TPRG1: variants seen among roughly 807,000 people sequenced by gnomAD.
The protein encoded by TPRG1 is tumor protein p63 regulated 1, also known as tumor protein p63-regulated gene 1 protein.
Under a neutral mutation model 29.3 loss-of-function variants are expected in TPRG1, and 29 were observed. That is an observed-to-expected ratio of 0.99 (90% CI 0.74 to 1.35). The LOEUF (loss-of-function observed/expected upper bound fraction) is 1.35, where lower values mean the gene tolerates loss of function less well. Ranked by LOEUF, TPRG1 falls within the 40% of genes most tolerant of loss-of-function variation. The probability of loss-of-function intolerance (pLI) is 0.00; values close to 1 mark genes in which losing one functional copy is unlikely to be tolerated. For missense variants in TPRG1, 327 were observed against 335.0 expected, an observed-to-expected ratio of 0.98 and a Z score of 0.19; for synonymous variants, 130 against 116.8, an observed-to-expected ratio of 1.11 and a Z score of -0.73.
chr3:189,115,525 G>A (rs1446807574), intron 1 of TPRG1, among the ~76,000 whole-genome samples: 1 of 152,200 alleles, frequency 6.6e-6, no homozygotes, highest in Non-Finnish European at 1.5e-5. Context: ...GCATAGATTT[G>A]TCTTGTGGAG....
At chr3:189,313,136 T>G (rs1722973345) in intron 5 of TPRG1, 2 of 152,076 alleles carry the variant, frequency 1.3e-5, no homozygotes, top group Admixed American at 1.3e-4. Flanking sequence ...GTCCCAGCTC[T>G]CTAGGAAAAC....
chr3:189,021,633 A>C (rs1436117365), intron 3 of TPRG1, among the ~76,000 whole-genome samples: 1 of 152,148 alleles, frequency 6.6e-6, no homozygotes, highest in African/African-American at 2.4e-5. Context: ...CTTTGAGGGT[A>C]ACCTGACCTT....
intron 4 of TPRG1, among the ~76,000 whole-genome samples, chr3:189,043,643 C>G (rs1337678341): frequency 6.6e-6 from 1 of 152,158 alleles, no homozygotes; most frequent in African/African-American, 2.4e-5. Context: ...CAGAGACTGG[C>G]TTGTATATAT....
intron 4 of TPRG1, among the ~76,000 whole-genome samples, chr3:189,273,709 GT>G (rs1198284844): frequency 6.6e-6 from 1 of 152,052 alleles, no homozygotes; most frequent in Non-Finnish European, 1.5e-5. Flanking sequence ...CTCATCCCTG[GT>G]TGGCCTGGAG....
intron 3 of TPRG1, among the ~76,000 whole-genome samples, chr3:189,145,191 G>A (rs145118631): frequency 0.014 from 2,095 of 151,782 alleles, 44 homozygotes; most frequent in African/African-American, 0.047. Context: ...GTGAAACCGC[G>A]TCTCTACTAA....
Position 189,180,838 on chromosome 3 carries a change from C to T in TPRG1, c.-10+8707C>T, listed in dbSNP as rs1181576438. 2.6e-5 allele frequency among the ~76,000 whole-genome samples: 4 copies of T among 152,202 alleles called. No individual in the cohort carries two copies. In the East Asian group the frequency reaches 5.8e-4, roughly 22 times the overall value. On this transcript the variant is annotated intron_variant, in intron 1 of 5. Transcript: ENST00000345063. ...ATTCTGTGTGGGGACTCTGGCCCCA[C>T]ATTTCCCTTCCACACTGCCTTAGAG...
intron 4 of TPRG1, among the ~76,000 whole-genome samples, chr3:189,043,818 A>G (rs1323835620): frequency 6.6e-6 from 1 of 152,166 alleles, no homozygotes; most frequent in Non-Finnish European, 1.5e-5. Context: ...ATTGGAGCCA[A>G]AAGTTTCCAC....
chr3:189,037,010 A>G (rs1484120072), intron 4 of TPRG1, among the ~76,000 whole-genome samples: 3 of 146,020 alleles, frequency 2.1e-5, no homozygotes, highest in African/African-American at 7.6e-5. Flanking sequence ...CCGAGGCCCA[A>G]ATGATTTATA....
chr3:189,093,021 C>T (rs1472963254), intron 4 of TPRG1, among the ~76,000 whole-genome samples: 2 of 151,484 alleles, frequency 1.3e-5, no homozygotes, highest in African/African-American at 4.9e-5. Context: ...TGTGATTAAA[C>T]AGAAAATGCT....
chr3:189,224,281 GACC>G (rs1737363759), intron 3 of TPRG1, among the ~76,000 whole-genome samples: 1 of 152,180 alleles, frequency 6.6e-6, no homozygotes, highest in South Asian at 2.1e-4. Context: ...AAGAGATCGA[GACC>G]ATCCTGGCCA....
At chr3:189,308,512 G>T (rs1354141006) in intron 4 of TPRG1, among the ~76,000 whole-genome samples, 1 of 152,210 alleles carries the variant, frequency 6.6e-6, no homozygotes, top group Non-Finnish European at 1.5e-5. Flanking sequence ...CTTAGCTTCA[G>T]ATTAATCTTC....
chr3:189,309,653 C>A (rs749131484), intron 4 of TPRG1, among the ~76,000 whole-genome samples: 1 of 152,132 alleles, frequency 6.6e-6, no homozygotes. Context: ...ACCATGAGTT[C>A]TCTCCCTGTT....
intron 4 of TPRG1, among the ~76,000 whole-genome samples, chr3:189,064,580 T>G (rs1364627273): frequency 1.3e-5 from 2 of 152,062 alleles, no homozygotes; most frequent in Non-Finnish European, 2.9e-5. Context: ...ACAAAGTTAA[T>G]GAAAGCAAAA....
intron 3 of TPRG1, among the ~76,000 whole-genome samples, chr3:189,137,435 CAAA>C (rs1257419909): frequency 1.3e-5 from 2 of 150,238 alleles, no homozygotes; most frequent in Non-Finnish European, 3.0e-5. Context: ...ACAAAAACAA[CAAA>C]AAAAGAATTT....
intron 4 of TPRG1, among the ~76,000 whole-genome samples, chr3:189,031,523 C>T (rs932758711): frequency 6.6e-6 from 1 of 152,182 alleles, no homozygotes; most frequent in Non-Finnish European, 1.5e-5. Context: ...TCTTCAGTGT[C>T]TTCCTCTTTG....
chr3:189,244,867 T>TG (rs1378369666), intron 4 of TPRG1, among the ~76,000 whole-genome samples: 1 of 152,178 alleles, frequency 6.6e-6, no homozygotes, highest in Non-Finnish European at 1.5e-5. Context: ...GCTTTTCACT[T>TG]GGTTAACTTT....
At chr3:189,249,552 A>G (rs1381654027) in intron 4 of TPRG1, among the ~76,000 whole-genome samples, 1 of 151,906 alleles carries the variant, frequency 6.6e-6, no homozygotes, top group Non-Finnish European at 1.5e-5. Context: ...CTATTTACAT[A>G]TATTAGTATG....
At chr3:189,267,323 A>G (rs1714277704) in intron 4 of TPRG1, among the ~76,000 whole-genome samples, 2 of 152,146 alleles carry the variant, frequency 1.3e-5, no homozygotes, top group Admixed American at 6.5e-5. Flanking sequence ...TATTTCTAAG[A>G]TGTATTTCTT....
At chr3:189,178,475 C>T (rs182672937) in intron 1 of TPRG1, among the ~76,000 whole-genome samples, 6 of 152,246 alleles carry the variant, frequency 3.9e-5, no homozygotes, top group Admixed American at 2.0e-4. Flanking sequence ...GCTGAGATCA[C>T]GCCACTGCAC....
Sources: gnomAD v4.1 joint callset for allele counts (sites outside exome capture counted in the v4.1 genomes callset) on GRCh38, gnomAD v4.1.1 for gene constraint, MANE v1.5 for transcripts, NCBI Gene and HGNC (gene_info 2026-07-23, HGNC 2026-07-21) for gene names.